CNTNAP2: variants seen among roughly 807,000 people sequenced by gnomAD.
CNTNAP2 encodes contactin associated protein 2, also known as contactin-associated protein-like 2.
A neutral mutation model predicts 155.2 loss-of-function variants in CNTNAP2; 98 were observed. The ratio of observed to expected loss-of-function variants is 0.63; its 90% CI spans 0.54 to 0.75. CNTNAP2 has a LOEUF of 0.75. Ranked by LOEUF, CNTNAP2 falls within the 30% of genes least tolerant of loss-of-function variation. The probability of loss-of-function intolerance (pLI) is 0.00; values close to 1 mark genes in which losing one functional copy is unlikely to be tolerated. For synonymous variants in CNTNAP2, 651 were observed against 631.2 expected, an observed-to-expected ratio of 1.03 and a Z score of -0.47; for missense variants, 1,727 against 1,688.1, an observed-to-expected ratio of 1.02 and a Z score of -0.40.
intron 1 of CNTNAP2, among the ~76,000 whole-genome samples, chr7:146,476,757 A>G (rs962996046): frequency 2.0e-5 from 3 of 152,214 alleles, no homozygotes; most frequent in Non-Finnish European, 4.4e-5. Context: ...ACAATAGTTT[A>G]AAGAAGAAAA....
chr7:147,070,008 G>C (rs1309748340), intron 4 of CNTNAP2, among the ~76,000 whole-genome samples: 1 of 152,192 alleles, frequency 6.6e-6, no homozygotes, highest in Admixed American at 6.5e-5. Context: ...CAGGAAACTT[G>C]ACAGCTTTGG....
intron 17 of CNTNAP2, among the ~76,000 whole-genome samples, chr7:148,155,401 TC>T (rs1465647347): frequency 6.6e-6 from 1 of 152,310 alleles, no homozygotes; most frequent in East Asian, 1.9e-4. Flanking sequence ...GAATTTTGTT[TC>T]TTTATTTTGA....
At chr7:148,154,088 A>G (rs933501657) in intron 17 of CNTNAP2, among the ~76,000 whole-genome samples, 1 of 152,216 alleles carries the variant, frequency 6.6e-6, no homozygotes, top group Non-Finnish European at 1.5e-5. Flanking sequence ...CTCTTCTGAT[A>G]TCTCTCTAGA....
intron 3 of CNTNAP2, among the ~76,000 whole-genome samples, chr7:146,881,650 T>C (rs951173108): frequency 1.4e-4 from 22 of 151,802 alleles, no homozygotes; most frequent in African/African-American, 5.3e-4. Flanking sequence ...ATGGAAAATA[T>C]GGATATTTCA....
chr7:146,307,683 A>G (rs1800740048), intron 1 of CNTNAP2, among the ~76,000 whole-genome samples: 1 of 152,160 alleles, frequency 6.6e-6, no homozygotes, highest in Non-Finnish European at 1.5e-5. Flanking sequence ...CCACACATCT[A>G]CAACCATCTG....
chr7:147,781,000 G>C (rs889246073), intron 13 of CNTNAP2, among the ~76,000 whole-genome samples: 4 of 152,076 alleles, frequency 2.6e-5, no homozygotes, highest in Non-Finnish European at 5.9e-5. Flanking sequence ...TCACTTTCTG[G>C]GACAAATTTG....
intron 8 of CNTNAP2, among the ~76,000 whole-genome samples, chr7:147,295,053 C>G (rs1393462225): frequency 6.6e-6 from 1 of 152,160 alleles, no homozygotes; most frequent in East Asian, 1.9e-4. Context: ...TATAGATACA[C>G]TGTCTCCTAT....
chr7:148,346,678 A>G (rs1476717974), intron 21 of CNTNAP2, among the ~76,000 whole-genome samples: 5 of 151,970 alleles, frequency 3.3e-5, no homozygotes, highest in Admixed American at 6.5e-5. Context: ...AGGCTGAGGC[A>G]GGAGAATTGC....
chr7:146,766,246 C>A (rs1802192109), intron 1 of CNTNAP2, among the ~76,000 whole-genome samples: 1 of 152,144 alleles, frequency 6.6e-6, no homozygotes, highest in Non-Finnish European at 1.5e-5. Flanking sequence ...TCAATGTAGG[C>A]ATATCCATTA....
At chr7:146,417,494 T>C (rs188265465) in intron 1 of CNTNAP2, among the ~76,000 whole-genome samples, 283 of 152,298 alleles carry the variant, frequency 1.9e-3, no homozygotes, top group African/African-American at 6.7e-3. Context: ...CAGACCCAAG[T>C]TAAACATGAA....
chr7:147,630,781 G>T (rs528445629), intron 12 of CNTNAP2, among the ~76,000 whole-genome samples: 1 of 152,034 alleles, frequency 6.6e-6, no homozygotes, highest in Non-Finnish European at 1.5e-5. Context: ...ATCCCTTTAC[G>T]AATAAAACCT....
intron 13 of CNTNAP2, among the ~76,000 whole-genome samples, chr7:147,716,831 G>A (rs775907566): frequency 7.2e-5 from 11 of 152,098 alleles, no homozygotes; most frequent in Non-Finnish European, 1.3e-4. Context: ...TATCAGTATT[G>A]CTAGGATCAT....
chr7:147,316,346 G>T (rs1349796463), intron 9 of CNTNAP2, among the ~76,000 whole-genome samples: 1 of 152,082 alleles, frequency 6.6e-6, no homozygotes, highest in African/African-American at 2.4e-5. Context: ...TCATGAAATG[G>T]AGAGGAGGAT....
At position 146,816,409 on chromosome 7, in the gene CNTNAP2, G is replaced by A. The variant is rs1313495871; in HGVS notation, c.209-23302G>A. Among the ~76,000 whole-genome samples the A allele has an allele frequency of 2.0e-5, 3 of 152,140 alleles. No homozygotes were observed. In the East Asian group the frequency reaches 5.8e-4, roughly 29 times the overall value. ...TCATTTCAAGAACAAGAGAAAAAGAGTAGAAGGAACTCAGCCTGAAAGTAT... is the reference window on the plus strand; with the variant it reads ...TCATTTCAAGAACAAGAGAAAAAGAATAGAAGGAACTCAGCCTGAAAGTAT... On this transcript the variant is annotated intron_variant, in intron 2 of 23. Coordinates refer to ENST00000361727, the MANE Select transcript of CNTNAP2 (RefSeq NM_014141.6).
chr7:148,218,672 G>A (rs949968646), intron 19 of CNTNAP2, among the ~76,000 whole-genome samples: 1 of 152,132 alleles, frequency 6.6e-6, no homozygotes, highest in Non-Finnish European at 1.5e-5. Flanking sequence ...TGACAGGCAT[G>A]AGCCACCATG....
At chr7:147,349,096 C>T (rs1366778777) in intron 9 of CNTNAP2, among the ~76,000 whole-genome samples, 2 of 151,566 alleles carry the variant, frequency 1.3e-5, no homozygotes, top group Non-Finnish European at 3.0e-5. Flanking sequence ...CAATATTTAA[C>T]AATAATACAT....
intron 1 of CNTNAP2, among the ~76,000 whole-genome samples, chr7:146,183,362 A>T (rs1798576392): frequency 6.6e-6 from 1 of 152,046 alleles, no homozygotes; most frequent in African/African-American, 2.4e-5. Context: ...CTTCTCTCTG[A>T]ATATTGATGA....
intron 10 of CNTNAP2, among the ~76,000 whole-genome samples, chr7:147,414,250 C>T (rs936422390): frequency 2.6e-5 from 4 of 151,652 alleles, no homozygotes; most frequent in Non-Finnish European, 4.4e-5. Flanking sequence ...CATGCTGAAA[C>T]CCGTGTCTGC....
intron 8 of CNTNAP2, among the ~76,000 whole-genome samples, chr7:147,234,385 T>C (rs1382138549): frequency 7.5e-6 from 1 of 132,564 alleles, no homozygotes; most frequent in African/African-American, 2.9e-5. Context: ...TCACTCAGGC[T>C]GGAGTGCAGT....
Sources: allele counts gnomAD v4.1 joint callset (sites outside exome capture counted in the v4.1 genomes callset), GRCh38; gene constraint gnomAD v4.1.1; transcripts MANE v1.5; gene names NCBI Gene and HGNC (gene_info 2026-07-23, HGNC 2026-07-21).